The following ECT2 variants were observed in gnomAD, a reference collection of about 807,000 sequenced individuals.
ECT2 encodes epithelial cell transforming 2, also known as protein ECT2.
In ECT2, 61 loss-of-function variants were observed where a neutral mutation model predicts 116.9. The observed-to-expected ratio is 0.52, with a 90% CI of 0.42 to 0.65. The LOEUF is 0.65. Ranked by LOEUF, ECT2 falls within the 30% of genes least tolerant of loss-of-function variation. The pLI is 0.00. For missense variants in ECT2, 937 were observed against 1,078.7 expected (o/e 0.87, Z 1.84); for synonymous variants, 358 against 346.4 (o/e 1.03, Z -0.37).
intron 20 of ECT2, among the ~76,000 whole-genome samples, chr3:172,803,519 C>A (rs116548469): frequency 0.01 from 1,566 of 152,090 alleles, 34 homozygotes; most frequent in African/African-American, 0.035. Flanking sequence ...TTTTGTATTA[C>A]CCCTGCAAGC....
rs78863752 is a variant in ECT2, at chr3:172,820,601, A to G, written c.*364A>G. 2,379 of 158,014 alleles carry G rather than the reference A, an allele frequency of 0.015. 28 individuals carry two copies. Among genetic ancestry groups the G allele is most frequent in the South Asian group, 0.037 (184 of 4,982 alleles). 9.8% of individuals were successfully genotyped at this position (158,014 alleles called of 1,614,324 possible). A position where few individuals can be genotyped will look rare whatever the true frequency, so the allele number is the denominator to read the frequency against. On this transcript the variant is annotated 3_prime_UTR_variant, in exon 25 of 25. Transcript: ENST00000392692. ...CTGTGAATCTATTTGTATAGTATCCATGAATGAATTTATGGAAATAGATAT... is the reference window on the plus strand; with the variant it reads ...CTGTGAATCTATTTGTATAGTATCCGTGAATGAATTTATGGAAATAGATAT...
At position 172,755,378 on chromosome 3, in the gene ECT2, C is replaced by T. The variant is rs370719377; in HGVS notation, c.210+4C>T. The T allele has an allele frequency of 1.0e-5, 16 of 1,595,230 alleles. No homozygotes were observed. The African/African-American group carries it at 1.2e-4, about 12-fold the overall frequency. On this transcript the variant is annotated splice_donor_region_variant and intron_variant, in intron 3 of 24. Transcript: ENST00000392692. ...AGAACTTATAAAAGCCTTAAAGGTA[C>T]GGAGTTTTAGGTTTTAGTTTTTTTT...
intron 1 of ECT2, among the ~76,000 whole-genome samples, chr3:172,751,725 G>T (rs1715881734): frequency 6.7e-6 from 1 of 149,998 alleles, no homozygotes; most frequent in Admixed American, 6.6e-5. Flanking sequence ...ATAAAAGGGG[G>T]CATGTGTTAT....
chr3:172,820,709 G>A lies in ECT2; in HGVS notation c.*472G>A, dbSNP rs1175146352. 6 of 151,952 alleles carry A rather than the reference G, an allele frequency of 3.9e-5. No individual in the cohort carries two copies. In the East Asian group the frequency reaches 1.2e-3, roughly 29 times the overall value. 9.4% of individuals were successfully genotyped at this position (151,952 alleles called of 1,614,324 possible). The stretch of plus-strand genomic sequence containing the variant: ...GCATAGAATTCTGATTAAATAGTGG[G>A]TCTGTTTCACATGTGCAGTTTGAAG... On this transcript the variant is annotated 3_prime_UTR_variant, in exon 25 of 25. Coordinates refer to ENST00000392692, the MANE Select transcript of ECT2 (RefSeq NM_001258315.2).
chr3:172,754,373 G>A (rs1217276099), intron 1 of ECT2, 136 bp from the exon 2 acceptor site: 2 of 575,588 alleles, frequency 3.5e-6, no homozygotes, highest in Non-Finnish European at 5.9e-6. Flanking sequence ...CTCAGAGAAG[G>A]TCAGTGACTT....
chr3:172,754,505 T>G lies in ECT2; in HGVS notation c.-22-4T>G. The G allele has an allele frequency of 6.4e-7, 1 of 1,554,638 alleles. No homozygotes were observed. The highest frequency in any genetic ancestry group is 8.7e-7 in the Non-Finnish European group (1 of 1,153,630). ...GTATTTTTATTCAAATTTTATTTTTTCAGCTGATTTAGAAGAATACAAATC... is the reference window on the plus strand; with the variant it reads ...GTATTTTTATTCAAATTTTATTTTTGCAGCTGATTTAGAAGAATACAAATC... On this transcript the variant is annotated splice_region_variant and splice_polypyrimidine_tract_variant and intron_variant, in intron 1 of 24. Coordinates refer to ENST00000392692, the MANE Select transcript of ECT2 (RefSeq NM_001258315.2).
chr3:172,777,182 T>C (rs1273463555), intron 14 of ECT2, among the ~76,000 whole-genome samples: 1 of 152,184 alleles, frequency 6.6e-6, no homozygotes, highest in Admixed American at 6.5e-5. Flanking sequence ...GCAGATTTGA[T>C]TGAGTTTGAA....
intron 20 of ECT2, 136 bp downstream of exon 20, chr3:172,803,116 G>T: frequency 1.2e-6 from 1 of 824,894 alleles, no homozygotes; most frequent in Non-Finnish European, 1.7e-6. Flanking sequence ...AAAAAATCGA[G>T]GACAATTTAT....
At chr3:172,754,732 A>T (rs1405709817) in intron 2 of ECT2, 72 bp downstream of exon 2, 5 of 1,223,082 alleles carry the variant, frequency 4.1e-6, no homozygotes, top group Admixed American at 5.1e-5. Flanking sequence ...CTTTCTTAAG[A>T]TTTAATTTTA....
At position 172,760,262 on chromosome 3, in the gene ECT2, G is replaced by C. The variant is rs776775800; in HGVS notation, c.683G>C (p.Arg228Thr). ...VANCTQGEKF[R>T]VAVSLGTPIM... ...AATTGTACACAAGGAGAAAAATTCAGGGTATGTAAACTTGGGTATTTTTGT... is the reference window on the plus strand; with the variant it reads ...AATTGTACACAAGGAGAAAAATTCACGGTATGTAAACTTGGGTATTTTTGT... The change falls in exon 7 of 25, where the codon AGG becomes ACG. Residue 228 changes from arginine (R) to threonine (T), a missense_variant and splice_region_variant. Physicochemically the swap from Arg to Thr is moderately conservative, Grantham distance 71. Transcript: ENST00000392692. 3 of 1,602,070 alleles carry C rather than the reference G, an allele frequency of 1.9e-6. No homozygotes were observed. Among genetic ancestry groups the C allele is most frequent in the Admixed American group, 3.4e-5 (2 of 59,352 alleles).
At chr3:172,828,208 T>C in the ECT2 span, among the ~76,000 whole-genome samples, 3 of 152,202 alleles carry the variant, frequency 2.0e-5, no homozygotes, top group Non-Finnish European at 2.9e-5. Flanking sequence ...TGTGGAACTT[T>C]ATTTACAATA....
chr3:172,812,955 T>C (rs1023662713), intron 22 of ECT2, among the ~76,000 whole-genome samples: 6 of 152,162 alleles, frequency 3.9e-5, no homozygotes, highest in African/African-American at 2.4e-5. Context: ...CTATGAGATA[T>C]AGGAAATCCT....
chr3:172,829,013 A>G, the ECT2 span: 22 of 923,600 alleles, frequency 2.4e-5, no homozygotes, highest in Non-Finnish European at 3.7e-5. Context: ...CTGGTCTGGA[A>G]CTCCTGTCTG....
chr3:172,758,791 T>C (rs1053015013), intron 5 of ECT2, among the ~76,000 whole-genome samples, 189 bp from the exon 6 acceptor site: 7 of 152,234 alleles, frequency 4.6e-5, no homozygotes, highest in Non-Finnish European at 1.0e-4. Flanking sequence ...TCGGGAAATA[T>C]TTTTATTGGG....
chr3:172,824,997 ATAGAC>A (rs1285153021), downstream of ECT2, among the ~76,000 whole-genome samples: 3 of 152,182 alleles, frequency 2.0e-5, no homozygotes, highest in Non-Finnish European at 4.4e-5. Flanking sequence ...TGTGCTTTTG[ATAGAC>A]TAGAGATTTG....
chr3:172,779,015 GTATT>G (rs1179129965), intron 14 of ECT2, among the ~76,000 whole-genome samples: 4 of 152,162 alleles, frequency 2.6e-5, no homozygotes. Context: ...TCTTATGTAA[GTATT>G]TATTTTACAG....
intron 18 of ECT2, 42 bp downstream of exon 18, chr3:172,786,616 C>A: frequency 2.3e-6 from 3 of 1,308,276 alleles, no homozygotes; most frequent in African/African-American, 1.5e-5. Context: ...CCTTAGATTT[C>A]GAATGGAATT....
intron 18 of ECT2, among the ~76,000 whole-genome samples, chr3:172,796,220 G>A (rs1483241753): frequency 6.6e-6 from 1 of 152,178 alleles, no homozygotes; most frequent in African/African-American, 2.4e-5. Context: ...AAGTCAAAGA[G>A]GGTTTATGAA....
At chr3:172,797,017 A>AGTGTGTGTGT (rs1725775160) in intron 18 of ECT2, among the ~76,000 whole-genome samples, 1 of 49,108 alleles carries the variant, frequency 2.0e-5, no homozygotes, top group South Asian at 6.8e-4. Context: ...ATCAGGTTCA[A>AGTGTGTGTGT]CTGTGTGTGT....
Sources: gnomAD v4.1 joint callset for allele counts (sites outside exome capture counted in the v4.1 genomes callset) on GRCh38, gnomAD v4.1.1 for gene constraint, MANE v1.5 for transcripts, NCBI Gene and HGNC (gene_info 2026-07-23, HGNC 2026-07-21) for gene names.